The following ATP11A variants were observed in gnomAD, a reference collection of about 807,000 sequenced individuals.
The protein encoded by ATP11A is ATPase phospholipid transporting 11A, also known as phospholipid-transporting ATPase IH.
In ATP11A, 81 loss-of-function variants were observed where a neutral mutation model predicts 154.4. The observed-to-expected ratio is 0.52, with a 90% CI of 0.44 to 0.63. The LOEUF is 0.63. ATP11A is among the 30% of genes least tolerant of loss of function. The pLI, the probability that ATP11A is intolerant of heterozygous loss-of-function variation, is 0.00. For missense variants in ATP11A, 1,316 were observed against 1,474.3 expected (o/e 0.89, Z 1.76); for synonymous variants, 623 against 585.9 (o/e 1.06, Z -0.91).
chr13:112,728,446 C>T (rs1204181967), intron 1 of ATP11A, among the ~76,000 whole-genome samples: 10 of 149,840 alleles, frequency 6.7e-5, no homozygotes, highest in Non-Finnish European at 1.2e-4. Context: ...AGTATCCACA[C>T]GTGGAGGGGC....
chr13:112,693,360 T>G (rs535673712), intron 1 of ATP11A, among the ~76,000 whole-genome samples: 23 of 149,794 alleles, frequency 1.5e-4, no homozygotes, highest in African/African-American at 5.4e-4. Flanking sequence ...TGCCGTGGGG[T>G]AGTGTATGTG....
intron 17 of ATP11A, 145 bp from the exon 18 acceptor site, chr13:112,850,892 T>A: frequency 1.6e-6 from 1 of 632,932 alleles, no homozygotes; most frequent in Non-Finnish European, 2.7e-6. Flanking sequence ...TTTCTTTGTT[T>A]ACTTAGTACT....
At chr13:112,866,820 C>T (rs1215356869) in intron 25 of ATP11A, among the ~76,000 whole-genome samples, 5 of 151,834 alleles carry the variant, frequency 3.3e-5, no homozygotes, top group South Asian at 2.1e-4. Flanking sequence ...TGTTATCCTT[C>T]GTCATCACTT....
chr13:112,772,497 A>G (rs370105035), intron 1 of ATP11A, among the ~76,000 whole-genome samples: 3 of 152,306 alleles, frequency 2.0e-5, no homozygotes, highest in African/African-American at 7.2e-5. Context: ...GCTACACAAC[A>G]TCACCACAAT....
chr13:112,836,197 T>C lies in ATP11A; in HGVS notation c.1651T>C (p.Leu551=). The change falls in exon 16 of 30, where the codon TTG becomes CTG. Residue 551 remains leucine, a synonymous_variant. Coordinates refer to ENST00000375645, the MANE Select transcript of ATP11A (RefSeq NM_015205.3). ...TTTCAGGTTTGAATTGCTGGAAATT[T>C]TGAGTTTTGACTCAGTCAGAAGGAG... ...HIERFELLEI[L]SFDSVRRRMS... is the part of the protein sequence containing the mutation. The C allele has an allele frequency of 6.2e-7, 1 of 1,612,954 alleles. No homozygotes were observed. The highest frequency in any genetic ancestry group is 8.5e-7 in the Non-Finnish European group (1 of 1,179,212).
chr13:112,762,540 A>G (rs9604432), intron 1 of ATP11A, among the ~76,000 whole-genome samples: 4,856 of 152,120 alleles, frequency 0.032, 266 homozygotes, highest in African/African-American at 0.11. Context: ...CTCCTTCAGG[A>G]TACTGCTCCA....
chr13:112,885,342 GCACACA>G lies in ATP11A; in HGVS notation c.*3482_*3487del, dbSNP rs139405256. On this transcript the variant is annotated 3_prime_UTR_variant, in exon 30 of 30. Coordinates refer to ENST00000375645, the MANE Select transcript of ATP11A (RefSeq NM_015205.3). ...ACGTATGAGCTTCTACTGCACACAT[GCACACA>G]CACACGCACACGTACATTCACTACA... 5.9e-5 allele frequency: 9 copies of G among 152,144 alleles called. No homozygotes were observed. The highest frequency in any genetic ancestry group is 1.9e-4 in the African/African-American group (8 of 41,444). 9.4% of individuals were successfully genotyped at this position (152,144 alleles called of 1,614,324 possible). A position where few individuals can be genotyped will look rare whatever the true frequency, so the allele number is the denominator to read the frequency against.
chr13:112,863,410 C>A lies in ATP11A; in HGVS notation c.2991+835C>A, dbSNP rs1327191277. Among the ~76,000 whole-genome samples the A allele has an allele frequency of 1.9e-3, 282 of 147,014 alleles. 1 individual carries two copies. The highest frequency in any genetic ancestry group is 6.8e-3 in the African/African-American group (263 of 38,398). On this transcript the variant is annotated intron_variant, in intron 25 of 29. Transcript: ENST00000375645. ...CCAGCGGGGTCCATCACCACCTGCG[C>A]AGTAATTCAGTGCAGGCCCTGCAGC...
At chr13:112,743,301 T>C (rs187751618) in intron 1 of ATP11A, among the ~76,000 whole-genome samples, 85 of 152,278 alleles carry the variant, frequency 5.6e-4, no homozygotes, top group Middle Eastern at 3.4e-3. Flanking sequence ...TTTAAGGGTG[T>C]GGTTATTGGG....
chr13:112,714,381 G>A (rs923384067), intron 1 of ATP11A, among the ~76,000 whole-genome samples: 2 of 152,168 alleles, frequency 1.3e-5, no homozygotes, highest in Admixed American at 1.3e-4. Context: ...GCAGGGAAAT[G>A]TTTACGGTGA....
intron 1 of ATP11A, among the ~76,000 whole-genome samples, chr13:112,720,585 G>A (rs1357017180): frequency 2.0e-5 from 3 of 152,012 alleles, no homozygotes; most frequent in Admixed American, 2.0e-4. Flanking sequence ...TTGAGACGGA[G>A]TCTCGCTCTG....
chr13:112,864,582 G>T (rs1382067379), intron 25 of ATP11A, among the ~76,000 whole-genome samples: 1 of 50,474 alleles, frequency 2.0e-5, no homozygotes, highest in African/African-American at 1.6e-4. Context: ...TCCCAGCGGG[G>T]TCCATCACCA....
chr13:112,742,863 C>T lies in ATP11A; in HGVS notation c.40-42272C>T, dbSNP rs377055328. ...TAGACACCTGTTTTTCCAATCCTTA[C>T]TGTGTAGCGAGACTTTCTGCAGATA... On this transcript the variant is annotated intron_variant, in intron 1 of 29. Coordinates refer to ENST00000375645, the MANE Select transcript of ATP11A (RefSeq NM_015205.3). 3.3e-5 allele frequency among the ~76,000 whole-genome samples: 5 copies of T among 152,354 alleles called. No homozygotes were observed. The East Asian group carries it at 9.6e-4, about 29-fold the overall frequency.
Position 112,878,250 on chromosome 13 carries a change from A to G in ATP11A, c.3361A>G (p.Thr1121Ala), listed in dbSNP as rs1292443699. 3.7e-5 allele frequency: 59 copies of G among 1,614,086 alleles called. No homozygotes were observed. The highest frequency in any genetic ancestry group is 1.2e-4 in the Admixed American group (7 of 60,014). ...CCAGTGCCTTTCTGTCGAGCAGTCA[A>G]CCATCTTTATGCTTTCTCAGACTTC... ...KSQCLSVEQS[T>A]IFMLSQTSSS... The change falls in exon 29 of 30, where the codon ACC (threonine) becomes GCC (alanine). Residue 1121 changes from threonine (T) to alanine (A), a missense_variant. Coordinates refer to ENST00000375645, the MANE Select transcript of ATP11A (RefSeq NM_015205.3).
chr13:112,710,954 A>T (rs1028758695), intron 1 of ATP11A, among the ~76,000 whole-genome samples: 17 of 120,150 alleles, frequency 1.4e-4, no homozygotes. Context: ...GCCCCTGCCA[A>T]CCACCCGGAG....
At chr13:112,828,118 G>GAAAGGGCCAGCAGTGTTGAGTGCGGGGGA (rs143513857) in intron 12 of ATP11A, among the ~76,000 whole-genome samples, 1 of 122,386 alleles carries the variant, frequency 8.2e-6, no homozygotes, top group African/African-American at 3.2e-5. Context: ...TGAGTGGGGG[G>GAAAGGGCCAGCAGTGTTGAGTGCGGGGGA]AAGCGCCCAG....
At chr13:112,855,263 G>A (rs564929793) in intron 19 of ATP11A, among the ~76,000 whole-genome samples, 1 of 152,286 alleles carries the variant, frequency 6.6e-6, no homozygotes, top group African/African-American at 2.4e-5. Flanking sequence ...CTGGAGTGCA[G>A]TGATCTTGGC....
At chr13:112,755,581 C>CA (rs1325711600) in intron 1 of ATP11A, among the ~76,000 whole-genome samples, 3 of 152,234 alleles carry the variant, frequency 2.0e-5, no homozygotes, top group African/African-American at 7.2e-5. Flanking sequence ...AACCGTCACT[C>CA]AGAGCAGCTC....
chr13:112,750,612 G>A (rs2076667896), intron 1 of ATP11A, among the ~76,000 whole-genome samples: 1 of 151,218 alleles, frequency 6.6e-6, no homozygotes, highest in African/African-American at 2.4e-5. Flanking sequence ...CCTCCCACGT[G>A]GGGACACGCC....
Sources: allele counts gnomAD v4.1 joint callset (sites outside exome capture counted in the v4.1 genomes callset), GRCh38; gene constraint gnomAD v4.1.1; transcripts MANE v1.5; gene names NCBI Gene and HGNC (gene_info 2026-07-23, HGNC 2026-07-21).